Variants in EYA3 observed in about 807,000 individuals in gnomAD.
The protein encoded by EYA3 is protein phosphatase EYA3.
In EYA3, 39 loss-of-function variants were observed where a neutral mutation model predicts 80.0. The observed-to-expected ratio is 0.49, with a 90% CI of 0.38 to 0.64. The LOEUF (loss-of-function observed/expected upper bound fraction) is 0.64. Ranked by LOEUF, EYA3 falls within the 30% of genes least tolerant of loss-of-function variation. The pLI, the probability that EYA3 is intolerant of heterozygous loss-of-function variation, is 0.00. For synonymous variants in EYA3, 206 were observed against 232.8 expected (o/e 0.88, Z 1.05); for missense variants, 523 against 676.1 (o/e 0.77, Z 2.51).
Position 27,974,388 on chromosome 1 carries a change from A to G in EYA3, c.*78T>C. ...GACACAGAGAGAGACAGACAGAGAA[A>G]GTTCTCAGTTGGTTCCAGTCTCCAG... is the stretch of plus-strand genomic sequence containing the variant. On this transcript the variant is annotated 3_prime_UTR_variant, in exon 18 of 18. Transcript: ENST00000373871. 9.9e-7 allele frequency: 1 copy of G among 1,005,690 alleles called. No homozygotes were observed. The highest frequency in any genetic ancestry group is 1.5e-6 in the Non-Finnish European group (1 of 656,276). The allele number at this position is 1,005,690 out of a possible 1,614,324, so 62.3% of individuals were successfully genotyped here.
In EYA3 at chr1:28,027,478, A is replaced by T. The variant is rs182455892; in HGVS notation, c.499+311T>A. ...AACCCATGGAGTCTTCTGCTCATTT[A>T]TAGGACAAAATGCCACTGAAAATAG... On this transcript the variant is annotated intron_variant, in intron 7 of 17. Transcript: ENST00000373871. 1.1e-3 allele frequency among the ~76,000 whole-genome samples: 162 copies of T among 152,306 alleles called. 1 individual carries two copies. The highest frequency in any genetic ancestry group is 1.7e-3 in the Non-Finnish European group (113 of 68,016).
At chr1:28,055,931 T>TTTTTAGC (rs1340044198) in intron 2 of EYA3, among the ~76,000 whole-genome samples, 2 of 152,030 alleles carry the variant, frequency 1.3e-5, no homozygotes, top group African/African-American at 4.8e-5. Flanking sequence ...GGCTTTATCA[T>TTTTTAGC]CAACTTGGGA....
chr1:28,081,207 T>C (rs956233016), intron 1 of EYA3, among the ~76,000 whole-genome samples: 1 of 152,154 alleles, frequency 6.6e-6, no homozygotes, highest in African/African-American at 2.4e-5. Flanking sequence ...AAAAAATACA[T>C]AGAAATGAAA....
intron 1 of EYA3, among the ~76,000 whole-genome samples, chr1:28,076,033 G>A (rs1221376442): frequency 6.6e-6 from 1 of 152,186 alleles, no homozygotes; most frequent in Non-Finnish European, 1.5e-5. Flanking sequence ...GCTCCCTTTA[G>A]TGTGATCCTA....
intron 1 of EYA3, among the ~76,000 whole-genome samples, chr1:28,085,967 AAC>A (rs1645636917): frequency 6.6e-6 from 1 of 152,160 alleles, no homozygotes; most frequent in Non-Finnish European, 1.5e-5. Context: ...TTCTGCACAA[AAC>A]AGTTTCTTTC....
intron 1 of EYA3, among the ~76,000 whole-genome samples, chr1:28,068,979 G>T (rs538273855): frequency 1.3e-5 from 2 of 151,510 alleles, no homozygotes; most frequent in East Asian, 1.9e-4. Flanking sequence ...GCTAATTTTT[G>T]TATTTTTAGT....
chr1:28,073,748 A>G (rs1645111676), intron 1 of EYA3, among the ~76,000 whole-genome samples: 1 of 152,082 alleles, frequency 6.6e-6, no homozygotes, highest in Non-Finnish European at 1.5e-5. Flanking sequence ...CTGTATCTCG[A>G]TGTGGTTTTA....
intron 3 of EYA3, among the ~76,000 whole-genome samples, chr1:28,046,041 T>G (rs923103640): frequency 6.6e-6 from 1 of 152,176 alleles, no homozygotes; most frequent in Non-Finnish European, 1.5e-5. Context: ...GTGAGGTACT[T>G]AGAGCAGTCA....
chr1:28,087,554 C>A (rs1311647349), intron 1 of EYA3, among the ~76,000 whole-genome samples: 1 of 152,166 alleles, frequency 6.6e-6, no homozygotes, highest in Admixed American at 6.5e-5. Context: ...TTTTCGGAAA[C>A]AACACAATAA....
chr1:28,038,439 T>TAAAAAAAAAAAAAA lies in EYA3; in HGVS notation c.224+386_224+399dup, dbSNP rs74525723. 2.1e-3 allele frequency among the ~76,000 whole-genome samples: 147 copies of TAAAAAAAAAAAAAA among 68,484 alleles called. 2 individuals are homozygous for TAAAAAAAAAAAAAA. The highest frequency in any genetic ancestry group is 7.5e-3 in the African/African-American group (131 of 17,560). The allele number at this position is 68,484 out of a possible 152,430, so 44.9% of individuals were successfully genotyped here. ...CAACAAACAGAGTGAGATTCTATCT[T>TAAAAAAAAAAAAAA]AAAAAAAAAAAAAAAAAAAAAAAAA... On this transcript the variant is annotated intron_variant, in intron 5 of 17. Coordinates refer to ENST00000373871, the MANE Select transcript of EYA3 (RefSeq NM_001990.4).
At chr1:28,016,784 T>A (rs1481797316) in intron 8 of EYA3, among the ~76,000 whole-genome samples, 2 of 152,172 alleles carry the variant, frequency 1.3e-5, no homozygotes, top group Admixed American at 1.3e-4. Context: ...TAAATATTTA[T>A]CAAGTGCCTT....
chr1:28,000,193 C>T, intron 11 of EYA3, 144 bp from the exon 12 acceptor site: 1 of 511,454 alleles, frequency 2.0e-6, no homozygotes, highest in Non-Finnish European at 3.5e-6. Flanking sequence ...CAATTTCATT[C>T]ACAGTTATGA....
intron 4 of EYA3, among the ~76,000 whole-genome samples, chr1:28,041,808 T>C (rs1643797279): frequency 6.6e-6 from 1 of 152,224 alleles, no homozygotes; most frequent in South Asian, 2.1e-4. Flanking sequence ...CCATGCCCAG[T>C]TGAACCAAAG....
intron 13 of EYA3, among the ~76,000 whole-genome samples, chr1:27,996,535 C>T (rs760901413): frequency 3.3e-4 from 51 of 152,310 alleles, no homozygotes; most frequent in Non-Finnish European, 6.9e-4. Flanking sequence ...ACAACATGTA[C>T]AACTGGATGC....
intron 2 of EYA3, among the ~76,000 whole-genome samples, chr1:28,052,352 G>A (rs536829889): frequency 2.0e-5 from 3 of 152,208 alleles, no homozygotes; most frequent in South Asian, 2.1e-4. Flanking sequence ...AATCAAGACC[G>A]TGTGGTACTG....
At chr1:28,046,190 A>C (rs1033950128) in intron 3 of EYA3, among the ~76,000 whole-genome samples, 2 of 152,228 alleles carry the variant, frequency 1.3e-5, no homozygotes, top group African/African-American at 4.8e-5. Flanking sequence ...GATGGTTGCA[A>C]GACAAAGTGA....
chr1:28,020,850 A>G (rs190818244), intron 7 of EYA3, among the ~76,000 whole-genome samples: 184 of 152,342 alleles, frequency 1.2e-3, no homozygotes, highest in African/African-American at 4.3e-3. Flanking sequence ...AAAGGCTGCT[A>G]GCTCTCCAAA....
chr1:28,066,448 T>C (rs1310375996), intron 1 of EYA3, among the ~76,000 whole-genome samples: 1 of 151,944 alleles, frequency 6.6e-6, no homozygotes, highest in Non-Finnish European at 1.5e-5. Flanking sequence ...CTATAAAGTA[T>C]TTAAAATATG....
intron 7 of EYA3, among the ~76,000 whole-genome samples, chr1:28,020,813 A>G (rs1557578866): frequency 6.6e-6 from 1 of 152,114 alleles, no homozygotes; most frequent in African/African-American, 2.4e-5. Flanking sequence ...ATAAAACTCA[A>G]GTGCTGGCTC....
Sources: allele counts gnomAD v4.1 joint callset (sites outside exome capture counted in the v4.1 genomes callset), GRCh38; gene constraint gnomAD v4.1.1; transcripts MANE v1.5; gene names NCBI Gene and HGNC (gene_info 2026-07-23, HGNC 2026-07-21).